OLFML2A: variants seen among roughly 807,000 people sequenced by gnomAD.
OLFML2A encodes the protein olfactomedin like 2A.
OLFML2A carries 47 observed loss-of-function variants against 60.9 expected under a neutral mutation model. The observed-to-expected ratio is 0.77, with a 90% CI of 0.61 to 0.98. The LOEUF is 0.98. Ranked by LOEUF, OLFML2A falls within the 50% of genes least tolerant of loss-of-function variation. The pLI is 0.00. For missense variants in OLFML2A, 922 were observed against 879.8 expected, an observed-to-expected ratio of 1.05 and a Z score of -0.61; for synonymous variants, 372 against 375.0, an observed-to-expected ratio of 0.99 and a Z score of 0.09.
In OLFML2A at chr9:124,793,253, C is replaced by G. The variant is rs186113230; in HGVS notation, c.355-1771C>G. On this transcript the variant is annotated intron_variant, in intron 2 of 7. Transcript: ENST00000373580. ...CTGGTTTCCCAACCAGCCCCTTGTG[C>G]CAATGTCTCCCTGACACTCTGGCAT... is the stretch of plus-strand genomic sequence containing the variant. Among the ~76,000 whole-genome samples, 334 of 152,290 alleles carry G rather than the reference C, an allele frequency of 2.2e-3. 2 individuals carry two copies. The highest frequency in any genetic ancestry group is 7.9e-3 in the African/African-American group (327 of 41,562).
At chr9:124,797,581 A>G (rs1018949639) in intron 3 of OLFML2A, among the ~76,000 whole-genome samples, 35 of 152,222 alleles carry the variant, frequency 2.3e-4, no homozygotes, top group Admixed American at 2.0e-4. Flanking sequence ...AATTTCTACA[A>G]ATGAAATTCT....
rs1316738536 is a variant in OLFML2A at position 124,777,470 on chromosome 9, G to GGAGCTGA, written c.90+114_90+120dup. On this transcript the variant is annotated intron_variant, in intron 1 of 7. Transcript: ENST00000373580. This position sits in a 1 kb window ranked among gnomAD's most constrained non-coding sequence, Gnocchi z 6.2. ...GCCCGGGGCCAGGGCGGAGGAGCCGGGAGCTGAGAGACCGAACCTGGGACT... is the reference window on the plus strand; with the variant it reads ...GCCCGGGGCCAGGGCGGAGGAGCCGGGAGCTGAGAGCTGAGAGACCGAACCTGGGACT... 4.4e-5 allele frequency: 49 copies of GGAGCTGA among 1,106,824 alleles called. No homozygotes were observed. Among genetic ancestry groups the GGAGCTGA allele is most frequent in the African/African-American group, 6.5e-5 (4 of 61,234 alleles). 68.6% of individuals were successfully genotyped at this position (1,106,824 alleles called of 1,614,324 possible).
chr9:124,809,627 C>T (rs568815588), intron 7 of OLFML2A, among the ~76,000 whole-genome samples, 181 bp from the exon 8 acceptor site: 53 of 151,712 alleles, frequency 3.5e-4, no homozygotes, highest in African/African-American at 1.2e-3. Context: ...GATGGGATGA[C>T]GATAGACCTC....
chr9:124,806,856 C>T (rs766053077), intron 6 of OLFML2A, among the ~76,000 whole-genome samples: 1 of 152,142 alleles, frequency 6.6e-6, no homozygotes, highest in African/African-American at 2.4e-5. Flanking sequence ...GATCCGCCCA[C>T]CTCAGCCTCC....
chr9:124,801,749 C>T (rs576205703), intron 5 of OLFML2A, 86 bp downstream of exon 5: 2 of 1,404,226 alleles, frequency 1.4e-6, no homozygotes, highest in East Asian at 4.8e-5. Context: ...GTGGGACCAC[C>T]CCAGATTCAG....
chr9:124,801,871 C>T (rs966233089), intron 5 of OLFML2A, among the ~76,000 whole-genome samples: 1 of 152,224 alleles, frequency 6.6e-6, no homozygotes, highest in Non-Finnish European at 1.5e-5. Context: ...CAGGGCCACT[C>T]AGTGGCTTTT....
chr9:124,804,255 A>T lies in OLFML2A; in HGVS notation c.1081A>T (p.Thr361Ser). The part of the protein sequence containing the change: ...ASGTPTSIPA[T>S]TTTATTTPTP... ...TGGCACCCCCACTTCAATCCCTGCC[A>T]CCACCACCACCGCCACCACCACCCC... Residue 361 changes from threonine to serine, a missense_variant, in exon 6 of 8, where the codon ACC becomes TCC. Physicochemically the swap from Thr to Ser is moderately conservative, Grantham distance 58. Transcript: ENST00000373580. The T allele has an allele frequency of 6.3e-7, 1 of 1,599,720 alleles. No individual in the cohort carries two copies. The highest frequency in any genetic ancestry group is 8.5e-7 in the Non-Finnish European group (1 of 1,172,260).
At chr9:124,804,585 G>A (rs1304450087) in intron 6 of OLFML2A, among the ~76,000 whole-genome samples, 2 of 151,558 alleles carry the variant, frequency 1.3e-5, no homozygotes, top group African/African-American at 4.8e-5. Context: ...TTAGCCAGGC[G>A]TAGTGGCGGG....
In OLFML2A at chr9:124,813,716, A is replaced by C. The variant is rs1842064416; in HGVS notation, c.*3304A>C. On this transcript the variant is annotated 3_prime_UTR_variant, in exon 8 of 8. Coordinates refer to ENST00000373580, the MANE Select transcript of OLFML2A (RefSeq NM_182487.4). ...CATATTTAGAACAAAGTCAAGTATA[A>C]ATTTACAGAGAAAAAATTCTAAGAC... 1 of 152,188 alleles carries C rather than the reference A, an allele frequency of 6.6e-6. No homozygotes were observed. The highest frequency in any genetic ancestry group is 6.5e-5 in the Admixed American group (1 of 15,278). The allele number at this position is 152,188 out of a possible 1,614,324, so 9.4% of individuals were successfully genotyped here. A position where few individuals can be genotyped will look rare whatever the true frequency, so the allele number is the denominator to read the frequency against.
rs929296419 is a variant in OLFML2A at position 124,779,444 on chromosome 9, G to C, written c.90+2084G>C. ...CTGTGCAGAGAGCTGTAGAGCTTGT[G>C]GGGGAGAGCTCACATTCTAAACAAA... On this transcript the variant is annotated intron_variant, in intron 1 of 7. Coordinates refer to ENST00000373580, the MANE Select transcript of OLFML2A (RefSeq NM_182487.4). The surrounding 1 kb of genome is among the most constrained non-coding windows in gnomAD (Gnocchi z 4.1). Among the ~76,000 whole-genome samples, 2 of 152,148 alleles carry C rather than the reference G, an allele frequency of 1.3e-5. No individual in the cohort carries two copies. The highest frequency in any genetic ancestry group is 2.4e-5 in the African/African-American group (1 of 41,426).
In OLFML2A at chr9:124,810,270, C is replaced by A. The variant is rs141355595; in HGVS notation, c.1817C>A (p.Thr606Lys). The A allele has an allele frequency of 1.2e-6, 2 of 1,611,018 alleles. No homozygotes were observed. Among genetic ancestry groups the A allele is most frequent in the East Asian group, 4.5e-5 (2 of 44,902 alleles). ...GTCGCCTACGCTTTCGACACGCACA[C>A]GGGCACCGACGCACGCCCCCAGCTG... ...GQVAYAFDTH[T>K]GTDARPQLPF... The change falls in exon 8 of 8, where the codon ACG becomes AAG. Residue 606 changes from threonine (T) to lysine (K), a missense_variant. Coordinates refer to ENST00000373580, the MANE Select transcript of OLFML2A (RefSeq NM_182487.4).
chr9:124,786,559 C>T (rs372441388), intron 1 of OLFML2A, among the ~76,000 whole-genome samples: 10 of 151,440 alleles, frequency 6.6e-5, no homozygotes, highest in Non-Finnish European at 1.3e-4. Flanking sequence ...TCTCTATTAA[C>T]AAATACAAAA....
intron 6 of OLFML2A, among the ~76,000 whole-genome samples, 195 bp from the exon 7 acceptor site, chr9:124,807,586 A>G (rs1435769872): frequency 6.6e-6 from 1 of 152,158 alleles, no homozygotes; most frequent in Non-Finnish European, 1.5e-5. Context: ...CCTGGCCTCC[A>G]TTCTGCTTTT....
chr9:124,811,211 A>AG lies in OLFML2A; in HGVS notation c.*800dup, dbSNP rs1842015244. ...CAGTGCCGTCATTTGTTTCTGCAGC[A>AG]GCAGCTGAGAAGGCAGCCGGCAGCT... On this transcript the variant is annotated 3_prime_UTR_variant, in exon 8 of 8. Coordinates refer to ENST00000373580, the MANE Select transcript of OLFML2A (RefSeq NM_182487.4). The AG allele has an allele frequency of 1.3e-5, 2 of 152,704 alleles. No homozygotes were observed. Among genetic ancestry groups the AG allele is most frequent in the South Asian group, 4.1e-4 (2 of 4,836 alleles). The allele number at this position is 152,704 out of a possible 1,614,324, so 9.5% of individuals were successfully genotyped here.
chr9:124,812,537 C>G lies in OLFML2A; in HGVS notation c.*2125C>G, dbSNP rs1042066248. 2 of 152,376 alleles carry G rather than the reference C, an allele frequency of 1.3e-5. No individual in the cohort carries two copies. The highest frequency in any genetic ancestry group is 1.5e-5 in the Non-Finnish European group (1 of 68,108). 9.4% of individuals were successfully genotyped at this position (152,376 alleles called of 1,614,324 possible). The stretch of plus-strand genomic sequence containing the variant: ...GTTTTGTTTAAGCTCTAACTCACCC[C>G]TGGAATACAGGGGAATGATGACAAC... On this transcript the variant is annotated 3_prime_UTR_variant, in exon 8 of 8. Transcript: ENST00000373580.
At chr9:124,800,602 T>C (rs1018656845) in intron 4 of OLFML2A, among the ~76,000 whole-genome samples, 3 of 152,252 alleles carry the variant, frequency 2.0e-5, no homozygotes, top group African/African-American at 7.2e-5. Flanking sequence ...TGTCTGCAAC[T>C]GGGACTGCCT....
Position 124,799,293 on chromosome 9 carries a change from G to A in OLFML2A, c.471G>A (p.Lys157=). The change falls in exon 4 of 8, where the codon AAG becomes AAA. Residue 157 remains lysine, a synonymous_variant. Transcript: ENST00000373580. The stretch of plus-strand genomic sequence containing the variant: ...TCCTGCCCCCTCCGCAGAGCATCAA[G>A]GCCAACCTGAGCCGGGAGAATGAGG... ...SQMNTLEESI[K]ANLSRENEVV... is the part of the protein sequence containing the mutation. 1 of 1,610,726 alleles carries A rather than the reference G, an allele frequency of 6.2e-7. No individual in the cohort carries two copies. The highest frequency in any genetic ancestry group is 8.5e-7 in the Non-Finnish European group (1 of 1,177,448).
chr9:124,808,293 G>A (rs929743495), intron 7 of OLFML2A, among the ~76,000 whole-genome samples: 4 of 152,218 alleles, frequency 2.6e-5, no homozygotes, highest in Non-Finnish European at 5.9e-5. Flanking sequence ...CTTACCCTGT[G>A]CTGATCTCGC....
In OLFML2A at chr9:124,810,021, T is replaced by C. The variant is rs1166127828; in HGVS notation, c.1568T>C (p.Phe523Ser). The change falls in exon 8 of 8, where the codon TTT (phenylalanine) becomes TCT (serine). Residue 523 changes from phenylalanine to serine, a missense_variant. Transcript: ENST00000373580. ...WKWRGHSDID[F>S]AVDESGLWVI... ...TGGCGCGGACACTCGGACATTGACT[T>C]TGCCGTGGACGAGAGCGGCCTGTGG... The C allele has an allele frequency of 6.2e-7, 1 of 1,614,094 alleles. No individual in the cohort carries two copies. Among genetic ancestry groups the C allele is most frequent in the South Asian group, 1.1e-5 (1 of 91,082 alleles).
Sources: allele counts gnomAD v4.1 joint callset (sites outside exome capture counted in the v4.1 genomes callset), GRCh38; gene constraint gnomAD v4.1.1; non-coding constraint Gnocchi (gnomAD v3.1); transcripts MANE v1.5; gene names NCBI Gene and HGNC (gene_info 2026-07-23, HGNC 2026-07-21).